PHACTR1: variants seen among roughly 807,000 people sequenced by gnomAD.
PHACTR1 encodes phosphatase and actin regulator 1, also known as RPEL repeat containing 1.
A neutral mutation model predicts 69.2 loss-of-function variants in PHACTR1; 16 were observed. The ratio of observed to expected loss-of-function variants is 0.23; its 90% confidence interval spans 0.16 to 0.35. The LOEUF is 0.35. PHACTR1 is among the 10% of genes least tolerant of loss of function. PHACTR1 has a pLI of 1.00. For missense variants in PHACTR1, 510 were observed against 734.7 expected, an observed-to-expected ratio of 0.69 and a Z score of 3.54; for synonymous variants, 312 against 284.5, an observed-to-expected ratio of 1.10 and a Z score of -0.97.
chr6:13,224,828 AG>A (rs1769322300), intron 8 of PHACTR1, among the ~76,000 whole-genome samples: 1 of 152,214 alleles, frequency 6.6e-6, no homozygotes, highest in Non-Finnish European at 1.5e-5. Flanking sequence ...TCCGAGTTTT[AG>A]AAAGCCGCTC....
chr6:13,199,929 C>T lies in PHACTR1; in HGVS notation c.665-5886C>T, dbSNP rs188213561. 2.0e-5 allele frequency among the ~76,000 whole-genome samples: 3 copies of T among 152,266 alleles called. No individual in the cohort carries two copies. In the East Asian group the frequency reaches 5.8e-4, roughly 29 times the overall value. ...CTTTAATTGCACATTCTAATGTGGA[C>T]AAGATAATCATTAGGTGAATAGATT... On this transcript the variant is annotated intron_variant, in intron 7 of 14. Coordinates refer to ENST00000332995, the MANE Select transcript of PHACTR1 (RefSeq NM_030948.6).
At chr6:13,012,638 C>T (rs974834637) in intron 4 of PHACTR1, among the ~76,000 whole-genome samples, 7 of 152,224 alleles carry the variant, frequency 4.6e-5, no homozygotes, top group African/African-American at 1.7e-4. Flanking sequence ...GGACCCTGCA[C>T]TGACCTACTA....
chr6:12,893,120 G>A (rs1053558649), intron 4 of PHACTR1, among the ~76,000 whole-genome samples: 3 of 152,206 alleles, frequency 2.0e-5, no homozygotes, highest in African/African-American at 7.2e-5. Flanking sequence ...CCCCTACTAT[G>A]TGCTGGGCCA....
chr6:13,095,748 GC>G (rs1463522163), intron 5 of PHACTR1, among the ~76,000 whole-genome samples: 17 of 92,372 alleles, frequency 1.8e-4, no homozygotes, highest in African/African-American at 5.8e-4. Flanking sequence ...ATTGTGAAGG[GC>G]TTTTTTTTTT....
intron 4 of PHACTR1, among the ~76,000 whole-genome samples, chr6:12,857,781 A>G (rs1217886380): frequency 6.6e-6 from 1 of 152,160 alleles, no homozygotes; most frequent in Non-Finnish European, 1.5e-5. Context: ...AATGTCTCCC[A>G]GTACTAGTAA....
chr6:13,086,326 T>C (rs1450300491), intron 5 of PHACTR1, among the ~76,000 whole-genome samples: 1 of 152,154 alleles, frequency 6.6e-6, no homozygotes, highest in Non-Finnish European at 1.5e-5. Context: ...TTATTTTCTT[T>C]TAAAACATTT....
intron 5 of PHACTR1, among the ~76,000 whole-genome samples, chr6:13,088,552 C>A (rs1812690809): frequency 6.6e-6 from 1 of 152,148 alleles, no homozygotes; most frequent in Non-Finnish European, 1.5e-5. Context: ...CAGGCATTTT[C>A]TTTTGGCCAG....
At chr6:13,011,679 C>A (rs1799466237) in intron 4 of PHACTR1, among the ~76,000 whole-genome samples, 1 of 152,174 alleles carries the variant, frequency 6.6e-6, no homozygotes, top group Non-Finnish European at 1.5e-5. Flanking sequence ...GTCCACTGTT[C>A]TAACCTGTGG....
At chr6:13,117,716 A>G (rs1818020880) in intron 5 of PHACTR1, among the ~76,000 whole-genome samples, 1 of 152,162 alleles carries the variant, frequency 6.6e-6, no homozygotes, top group Non-Finnish European at 1.5e-5. Context: ...TCACCTTATA[A>G]TTTTAGCCTG....
intron 4 of PHACTR1, among the ~76,000 whole-genome samples, chr6:12,826,742 A>G (rs1266072544): frequency 6.6e-6 from 1 of 152,242 alleles, no homozygotes; most frequent in Non-Finnish European, 1.5e-5. Context: ...CACAATGTCC[A>G]TAAATCAATA....
At chr6:12,985,291 A>G (rs1796008097) in intron 4 of PHACTR1, among the ~76,000 whole-genome samples, 1 of 151,922 alleles carries the variant, frequency 6.6e-6, no homozygotes, top group Admixed American at 6.6e-5. Flanking sequence ...CTAAGGTCTT[A>G]CTCCAATTGA....
At chr6:13,078,444 C>T (rs1810882218) in intron 5 of PHACTR1, among the ~76,000 whole-genome samples, 1 of 152,180 alleles carries the variant, frequency 6.6e-6, no homozygotes, top group Non-Finnish European at 1.5e-5. Context: ...AATAAGGCTG[C>T]ATTCTAAACA....
intron 4 of PHACTR1, among the ~76,000 whole-genome samples, chr6:12,861,542 A>G (rs1780939873): frequency 6.6e-6 from 1 of 152,214 alleles, no homozygotes; most frequent in South Asian, 2.1e-4. Flanking sequence ...CCATCACTGT[A>G]TTGCTCTTCT....
At chr6:12,863,236 G>T (rs1038358451) in intron 4 of PHACTR1, among the ~76,000 whole-genome samples, 1 of 152,240 alleles carries the variant, frequency 6.6e-6, no homozygotes, top group Non-Finnish European at 1.5e-5. Flanking sequence ...ATTTCTCACA[G>T]TTCTGAAGGC....
In PHACTR1 at chr6:13,152,354, A is replaced by T. The variant is rs80271267; in HGVS notation, c.416-7850A>T. Among the ~76,000 whole-genome samples the T allele has an allele frequency of 2.0e-5, 3 of 152,112 alleles. No homozygotes were observed. The East Asian group carries it at 5.8e-4, about 29-fold the overall frequency. On this transcript the variant is annotated intron_variant, in intron 5 of 14. Coordinates refer to ENST00000332995, the MANE Select transcript of PHACTR1 (RefSeq NM_030948.6). The stretch of plus-strand genomic sequence containing the variant: ...GTCTCAAAAAAAAAAAAATTCATCA[A>T]TGTCAAAGAGGCATAGGATTCCCTG...
At chr6:13,226,093 T>G (rs1212505896) in intron 8 of PHACTR1, among the ~76,000 whole-genome samples, 1 of 152,250 alleles carries the variant, frequency 6.6e-6, no homozygotes, top group Non-Finnish European at 1.5e-5. Flanking sequence ...GATAAACCAC[T>G]AATAAGATGC....
intron 5 of PHACTR1, among the ~76,000 whole-genome samples, chr6:13,149,861 G>T (rs959516338): frequency 6.8e-5 from 10 of 147,884 alleles, no homozygotes; most frequent in Middle Eastern, 3.5e-3. Context: ...ATCAACTATT[G>T]TTAGTGTTAG....
At chr6:13,247,571 C>T (rs998601949) in intron 10 of PHACTR1, among the ~76,000 whole-genome samples, 14 of 152,126 alleles carry the variant, frequency 9.2e-5, no homozygotes, top group Admixed American at 2.6e-4. Context: ...ATCTCGAACT[C>T]CTGACCTCAG....
intron 4 of PHACTR1, among the ~76,000 whole-genome samples, chr6:13,015,279 A>G (rs1419551148): frequency 6.6e-6 from 1 of 152,172 alleles, no homozygotes; most frequent in Non-Finnish European, 1.5e-5. Flanking sequence ...CTTTGATTAA[A>G]CTGCAAGAGA....
Sources: gnomAD v4.1 joint callset for allele counts (sites outside exome capture counted in the v4.1 genomes callset) on GRCh38, gnomAD v4.1.1 for gene constraint, MANE v1.5 for transcripts, NCBI Gene and HGNC (gene_info 2026-07-23, HGNC 2026-07-21) for gene names.